AGBL1: variants seen among roughly 807,000 people sequenced by gnomAD.
AGBL1 encodes the protein cytosolic carboxypeptidase 4.
In AGBL1, 130 loss-of-function variants were observed where a neutral mutation model predicts 118.9. The ratio of observed to expected loss-of-function variants is 1.09; its 90% CI spans 0.95 to 1.26. AGBL1 has a LOEUF of 1.26. Ranked by LOEUF, AGBL1 falls within the 50% of genes most tolerant of loss-of-function variation. AGBL1 has a pLI of 0.00. For synonymous variants in AGBL1, 555 were observed against 478.9 expected, an observed-to-expected ratio of 1.16 and a Z score of -2.08; for missense variants, 1,584 against 1,298.1, an observed-to-expected ratio of 1.22 and a Z score of -3.38.
At chr15:86,322,710 C>T (rs1164292562) in intron 17 of AGBL1, among the ~76,000 whole-genome samples, 3 of 152,132 alleles carry the variant, frequency 2.0e-5, no homozygotes, top group Non-Finnish European at 4.4e-5. Context: ...AGTCACCCAG[C>T]AGCATGCTCA....
At chr15:86,146,441 G>T (rs1438717486) in intron 3 of AGBL1, among the ~76,000 whole-genome samples, 2 of 152,124 alleles carry the variant, frequency 1.3e-5, no homozygotes, top group Non-Finnish European at 2.9e-5. Context: ...GTGGATTTTG[G>T]AATCTGTGGG....
intron 22 of AGBL1, among the ~76,000 whole-genome samples, chr15:86,705,306 A>G (rs1331193884): frequency 1.3e-5 from 2 of 152,158 alleles, no homozygotes; most frequent in African/African-American, 2.4e-5. Context: ...ACAAAACAAA[A>G]CAAAACAAAA....
chr15:86,783,036 C>A lies in AGBL1; in HGVS notation c.3158+108600C>A, dbSNP rs189596396. Among the ~76,000 whole-genome samples the A allele has an allele frequency of 1.2e-3, 189 of 152,274 alleles. 1 individual carries two copies. The highest frequency in any genetic ancestry group is 4.4e-3 in the African/African-American group (181 of 41,536). On this transcript the variant is annotated intron_variant, in intron 22 of 22. Coordinates refer to ENST00000614907, the MANE Select transcript of AGBL1 (RefSeq NM_001386094.1). ...GTGACATGTATAATTAGTTAAAAGG[C>A]TGAGAAAAACAGTTGCATCCCAGAG... is the stretch of plus-strand genomic sequence containing the variant.
intron 24 of AGBL1, among the ~76,000 whole-genome samples, chr15:86,989,676 G>A (rs1249456126): frequency 6.6e-6 from 1 of 152,100 alleles, no homozygotes; most frequent in Non-Finnish European, 1.5e-5. Context: ...TTAAAACTAA[G>A]CAAATAAATA....
intron 24 of AGBL1, among the ~76,000 whole-genome samples, chr15:87,006,628 C>T (rs2081507299): frequency 6.6e-6 from 1 of 152,180 alleles, no homozygotes; most frequent in Admixed American, 6.5e-5. Context: ...TTCCCTGACC[C>T]CTTGCACTTC....
intron 21 of AGBL1, among the ~76,000 whole-genome samples, chr15:86,608,361 C>G (rs2084610694): frequency 6.6e-6 from 1 of 152,198 alleles, no homozygotes. Flanking sequence ...TCCTTTTCCC[C>G]AAATTCACTT....
chr15:86,827,180 C>A (rs2079022705), intron 22 of AGBL1, among the ~76,000 whole-genome samples: 1 of 147,860 alleles, frequency 6.8e-6, no homozygotes, highest in Non-Finnish European at 1.5e-5. Context: ...ACACCAATAC[C>A]AGGGGACCTA....
intron 17 of AGBL1, among the ~76,000 whole-genome samples, chr15:86,328,770 C>T (rs1249759165): frequency 6.6e-6 from 1 of 152,132 alleles, no homozygotes. Flanking sequence ...TTGTTTCTCC[C>T]AAGCCCTAGA....
intron 18 of AGBL1, among the ~76,000 whole-genome samples, chr15:86,445,777 G>A (rs2082113497): frequency 6.6e-6 from 1 of 152,174 alleles, no homozygotes; most frequent in Admixed American, 6.5e-5. Context: ...AGGAAAGGGA[G>A]CTTGGTGTCC....
chr15:86,343,829 G>A (rs74027510), intron 17 of AGBL1, among the ~76,000 whole-genome samples: 6,678 of 152,130 alleles, frequency 0.044, 518 homozygotes, highest in African/African-American at 0.15. Flanking sequence ...GCCGCTGCTC[G>A]CAGGGCTTTT....
At chr15:86,262,581 AGTCCTTTATCT>A (rs1454042898) in intron 9 of AGBL1, 186 bp from the exon 10 acceptor site, 2 of 648,516 alleles carry the variant, frequency 3.1e-6, no homozygotes, top group Non-Finnish European at 5.7e-6. Flanking sequence ...TGCTGAGACA[AGTCCTTTATCT>A]TCTTTCTTTT....
chr15:86,560,171 AG>A (rs2083794657), intron 21 of AGBL1, among the ~76,000 whole-genome samples: 1 of 151,504 alleles, frequency 6.6e-6, no homozygotes, highest in South Asian at 2.1e-4. Context: ...TTTAAGTTCT[AG>A]GGTACATGTG....
At chr15:86,341,184 A>C (rs1168817327) in intron 17 of AGBL1, among the ~76,000 whole-genome samples, 5 of 152,334 alleles carry the variant, frequency 3.3e-5, no homozygotes, top group Admixed American at 1.3e-4. Context: ...GGACCTGTCC[A>C]GAGTGGAAGT....
chr15:86,618,773 G>A (rs190730851), intron 21 of AGBL1, among the ~76,000 whole-genome samples: 90 of 152,160 alleles, frequency 5.9e-4, no homozygotes, highest in African/African-American at 1.9e-3. Context: ...GAAATCTCTG[G>A]TAAAGACATG....
intron 22 of AGBL1, among the ~76,000 whole-genome samples, chr15:86,692,040 C>T (rs1215839159): frequency 6.6e-6 from 1 of 151,822 alleles, no homozygotes; most frequent in East Asian, 1.9e-4. Flanking sequence ...TTCTTAAGCT[C>T]GACAACACTG....
chr15:86,611,557 G>A (rs1223309199), intron 21 of AGBL1, among the ~76,000 whole-genome samples: 1 of 152,160 alleles, frequency 6.6e-6, no homozygotes, highest in Non-Finnish European at 1.5e-5. Flanking sequence ...GGAAGAAAGA[G>A]TTAATGTCAG....
intron 21 of AGBL1, among the ~76,000 whole-genome samples, chr15:86,671,846 C>T (rs72762079): frequency 6.6e-6 from 1 of 151,820 alleles, no homozygotes; most frequent in Non-Finnish European, 1.5e-5. Context: ...TTATCACATA[C>T]TGAGGATATG....
At chr15:86,605,389 T>C (rs1406820094) in intron 21 of AGBL1, among the ~76,000 whole-genome samples, 1 of 152,222 alleles carries the variant, frequency 6.6e-6, no homozygotes, top group Non-Finnish European at 1.5e-5. Flanking sequence ...CTGATGTCTC[T>C]TTCTTCTCAA....
chr15:86,469,567 T>C (rs1015858597), intron 18 of AGBL1, among the ~76,000 whole-genome samples: 44 of 152,180 alleles, frequency 2.9e-4, no homozygotes, highest in African/African-American at 1.1e-3. Flanking sequence ...CTCTTGGACA[T>C]ACTGATGTCA....
Sources: allele counts gnomAD v4.1 joint callset (sites outside exome capture counted in the v4.1 genomes callset), GRCh38; gene constraint gnomAD v4.1.1; transcripts MANE v1.5; gene names NCBI Gene and HGNC (gene_info 2026-07-23, HGNC 2026-07-21).